RWDD2B: variants seen among roughly 807,000 people sequenced by gnomAD.
The protein encoded by RWDD2B is RWD domain-containing protein 2B.
In RWDD2B, 36 loss-of-function variants were observed where a neutral mutation model predicts 33.6. The ratio of observed to expected loss-of-function variants is 1.07; its 90% CI spans 0.82 to 1.42. The LOEUF is 1.42. RWDD2B is among the 40% of genes most tolerant of loss of function. RWDD2B has a pLI of 0.00. For missense variants in RWDD2B, 364 were observed against 377.5 expected (o/e 0.96, Z 0.30); for synonymous variants, 126 against 133.1 (o/e 0.95, Z 0.37).
At chr21:29,012,394 A>G (rs1461117961) in intron 1 of RWDD2B, among the ~76,000 whole-genome samples, 1 of 152,022 alleles carries the variant, frequency 6.6e-6, no homozygotes. Context: ...AGAAAGAGGT[A>G]GACATGGGAG....
intron 1 of RWDD2B, among the ~76,000 whole-genome samples, chr21:29,010,884 G>C (rs2084854513): frequency 2.6e-5 from 4 of 152,176 alleles, no homozygotes. Flanking sequence ...TGGCCGGGCT[G>C]GTCTCCAGCT....
intron 1 of RWDD2B, among the ~76,000 whole-genome samples, chr21:29,009,904 C>T (rs7275607): frequency 0.021 from 3,163 of 152,018 alleles, 115 homozygotes; most frequent in African/African-American, 0.072. Context: ...ATACTTTTTC[C>T]TCCTATTTCC....
rs1601025966 is a variant in RWDD2B at position 29,019,131 on chromosome 21, C to T, written c.67+80G>A. 1.2e-5 allele frequency: 15 copies of T among 1,216,784 alleles called. 1 individual carries two copies. The East Asian group carries it at 2.3e-4, about 18-fold the overall frequency. The allele number at this position is 1,216,784 out of a possible 1,614,324, so 75.4% of individuals were successfully genotyped here. On this transcript the variant is annotated intron_variant, in intron 1 of 4. Coordinates refer to ENST00000493196, the MANE Select transcript of RWDD2B (RefSeq NM_016940.3). ...CCGGGGCCGCCATGCCGGGCACGTT[C>T]CCAAAGGGTTGCACTGGGCGCTGCA... is the stretch of plus-strand genomic sequence containing the variant.
intron 3 of RWDD2B, 53 bp from the exon 4 acceptor site, chr21:29,008,176 A>C: frequency 6.2e-7 from 1 of 1,610,676 alleles, no homozygotes; most frequent in Non-Finnish European, 8.5e-7. Context: ...AACAAATTCG[A>C]GAATTGCTTT....
Position 29,005,054 on chromosome 21 carries a change from T to C in RWDD2B, c.*1363A>G, listed in dbSNP as rs1266453805. 2 of 152,188 alleles carry C rather than the reference T, an allele frequency of 1.3e-5. No individual in the cohort carries two copies. Among genetic ancestry groups the C allele is most frequent in the East Asian group, 3.8e-4 (2 of 5,200 alleles). The allele number at this position is 152,188 out of a possible 1,614,324, so 9.4% of individuals were successfully genotyped here. On this transcript the variant is annotated 3_prime_UTR_variant, in exon 5 of 5. Coordinates refer to ENST00000493196, the MANE Select transcript of RWDD2B (RefSeq NM_016940.3). The stretch of plus-strand genomic sequence containing the variant: ...TGCTAGCAAATTAGCAAATAATAAA[T>C]GCTTTTGGAACTAACTGGTTTATGG...
At chr21:29,007,657 G>A in intron 4 of RWDD2B, 104 bp downstream of exon 4, 3 of 1,214,782 alleles carry the variant, frequency 2.5e-6, no homozygotes, top group African/African-American at 1.5e-5. Flanking sequence ...ACTGTTTTAT[G>A]TGTTGTCCAC....
At chr21:29,016,593 T>G (rs754248108) in intron 1 of RWDD2B, among the ~76,000 whole-genome samples, 2 of 151,654 alleles carry the variant, frequency 1.3e-5, no homozygotes, top group Non-Finnish European at 2.9e-5. Flanking sequence ...TCCTCATACA[T>G]ACTTAAAATC....
At chr21:29,018,415 A>G (rs1254624666) in intron 1 of RWDD2B, among the ~76,000 whole-genome samples, 1 of 152,210 alleles carries the variant, frequency 6.6e-6, no homozygotes, top group East Asian at 1.9e-4. Flanking sequence ...ACTCAGCTAG[A>G]TATATAATCT....
In RWDD2B at chr21:29,005,413, T is replaced by G. The variant is rs1360281931; in HGVS notation, c.*1004A>C. 1 of 152,100 alleles carries G rather than the reference T, an allele frequency of 6.6e-6. No individual in the cohort carries two copies. The highest frequency in any genetic ancestry group is 1.9e-4 in the East Asian group (1 of 5,194). The allele number at this position is 152,100 out of a possible 1,614,324, so 9.4% of individuals were successfully genotyped here. On this transcript the variant is annotated 3_prime_UTR_variant, in exon 5 of 5. Transcript: ENST00000493196. ...AACTAAAGCTCTGAAAAACTCTATT[T>G]GACAAACTAGCTTTCAACTGCTAGT...
At chr21:29,011,584 A>G (rs1251787606) in intron 1 of RWDD2B, among the ~76,000 whole-genome samples, 1 of 110,130 alleles carries the variant, frequency 9.1e-6, no homozygotes, top group East Asian at 2.8e-4. Context: ...TCCGGGAGGG[A>G]GGTGGGGGGG....
At chr21:29,013,689 A>AG (rs2084876094) in intron 1 of RWDD2B, among the ~76,000 whole-genome samples, 1 of 120,124 alleles carries the variant, frequency 8.3e-6, no homozygotes, top group African/African-American at 4.4e-5. Context: ...ACTCCGTCTC[A>AG]AAAAAAAAAA....
chr21:29,008,132 A>G lies in RWDD2B; in HGVS notation c.363-9T>C. 6.2e-7 allele frequency: 1 copy of G among 1,610,786 alleles called. No individual in the cohort carries two copies. The highest frequency in any genetic ancestry group is 8.5e-7 in the Non-Finnish European group (1 of 1,178,528). ...TACTCAATAATACTGATCTAATAGA[A>G]AAGATACAAGAAAAATATTGTCTTG... On this transcript the variant is annotated splice_polypyrimidine_tract_variant and intron_variant, in intron 3 of 4. Transcript: ENST00000493196.
Position 29,006,397 on chromosome 21 carries a change from A to C in RWDD2B, c.*20T>G. 1.4e-6 allele frequency: 2 copies of C among 1,460,062 alleles called. No individual in the cohort carries two copies. The highest frequency in any genetic ancestry group is 1.9e-6 in the Non-Finnish European group (2 of 1,064,786). The allele number at this position is 1,460,062 out of a possible 1,614,324, so 90.4% of individuals were successfully genotyped here. On this transcript the variant is annotated 3_prime_UTR_variant, in exon 5 of 5. Coordinates refer to ENST00000493196, the MANE Select transcript of RWDD2B (RefSeq NM_016940.3). Reference sequence around the variant, plus strand: ...ATCAAAAGGCCAACAGTGGCAAGATACTTTCAACTACTCTTGATGTCATTG... The same window carrying C: ...ATCAAAAGGCCAACAGTGGCAAGATCCTTTCAACTACTCTTGATGTCATTG...
Position 29,006,470 on chromosome 21 carries a change from TG to T in RWDD2B, c.906del (p.Asn302LysfsTer15). On this transcript the variant is annotated frameshift_variant, in exon 5 of 5. Coordinates refer to ENST00000493196, the MANE Select transcript of RWDD2B (RefSeq NM_016940.3). LOFTEE classifies it high-confidence loss of function. ...TGGAAAACATCCCCACATCCTTTGG[TG>T]TTTAAGAACTGATAGAGCTGACCAA... Reference protein sequence around the residue: ...MDFGQLYQFLNTKGCGDVFQM... With the variant: ...MDFGQLYQFLXTKGCGDVFQM... 6.2e-7 allele frequency: 1 copy of T among 1,614,094 alleles called. No homozygotes were observed. Among genetic ancestry groups the T allele is most frequent in the South Asian group, 1.1e-5 (1 of 91,054 alleles).
rs372118466 is a variant in RWDD2B, at chr21:29,010,747, C to T, written c.68-2126G>A. Among the ~76,000 whole-genome samples the T allele has an allele frequency of 3.7e-3, 558 of 151,788 alleles. 7 individuals carry two copies. The highest frequency in any genetic ancestry group is 0.012 in the African/African-American group (508 of 41,516). ...AAGCTGGACGGTACTGCTGCCATCT[C>T]GGCTCACTGCAACCTCCCTGCCTGA... On this transcript the variant is annotated intron_variant, in intron 1 of 4. Coordinates refer to ENST00000493196, the MANE Select transcript of RWDD2B (RefSeq NM_016940.3).
Position 29,019,266 on chromosome 21 carries a change from CT to C in RWDD2B, c.11del (p.Glu4GlyfsTer27), listed in dbSNP as rs1262951346. On this transcript the variant is annotated frameshift_variant, in exon 1 of 5. Transcript: ENST00000493196. LOFTEE classifies it high-confidence loss of function. ...CCGGGTTCCATGGCTGCATGGACAGCTCAATTTTCATCAGAAGGGAGCCTCA... is the reference window on the plus strand; with the variant it reads ...CCGGGTTCCATGGCTGCATGGACAGCCAATTTTCATCAGAAGGGAGCCTCA... The part of the protein sequence containing the change: MKI[E>X]LSMQPWNPGY... The C allele has an allele frequency of 1.2e-6, 2 of 1,604,790 alleles. No individual in the cohort carries two copies. Among genetic ancestry groups the C allele is most frequent in the Non-Finnish European group, 8.5e-7 (1 of 1,176,212 alleles).
At chr21:29,015,678 C>T (rs946676597) in intron 1 of RWDD2B, among the ~76,000 whole-genome samples, 37 of 151,866 alleles carry the variant, frequency 2.4e-4, no homozygotes, top group African/African-American at 5.1e-4. Flanking sequence ...TACAGGTGTT[C>T]GCCACCACGC....
At chr21:29,009,039 G>C (rs1384693920) in intron 1 of RWDD2B, among the ~76,000 whole-genome samples, 1 of 152,212 alleles carries the variant, frequency 6.6e-6, no homozygotes, top group Non-Finnish European at 1.5e-5. Context: ...GTCAGTCAGA[G>C]AGTTTGGTTA....
chr21:29,008,205 G>T, intron 3 of RWDD2B, 35 bp downstream of exon 3: 1 of 1,611,336 alleles, frequency 6.2e-7, no homozygotes, highest in Non-Finnish European at 8.5e-7. Context: ...GATTAATTTT[G>T]ACCTCCAAAG....
Sources: gnomAD v4.1 joint callset for allele counts (sites outside exome capture counted in the v4.1 genomes callset) on GRCh38, gnomAD v4.1.1 for gene constraint, MANE v1.5 for transcripts, NCBI Gene and HGNC (gene_info 2026-07-23, HGNC 2026-07-21) for gene names.